The following GABRG3 variants were observed in gnomAD, a reference collection of about 807,000 sequenced individuals.
GABRG3 encodes gamma-aminobutyric acid receptor subunit gamma-3.
Under a neutral mutation model 48.8 loss-of-function variants are expected in GABRG3, and 25 were observed. The ratio of observed to expected loss-of-function variants is 0.51; its 90% CI spans 0.37 to 0.72. The LOEUF is 0.72. GABRG3 is among the 30% of genes least tolerant of loss of function. GABRG3 has a pLI of 0.00. For missense variants in GABRG3, 394 were observed against 577.9 expected (o/e 0.68, Z 3.26); for synonymous variants, 227 against 217.6 (o/e 1.04, Z -0.38).
intron 2 of GABRG3, among the ~76,000 whole-genome samples, chr15:26,985,696 G>A (rs540812735): frequency 2.8e-4 from 43 of 152,112 alleles, no homozygotes; most frequent in African/African-American, 9.9e-4. Flanking sequence ...GAATAACCTC[G>A]CCATGCCCCG....
intron 5 of GABRG3, among the ~76,000 whole-genome samples, chr15:27,350,895 GTGTT>G (rs1456054772): frequency 4.6e-5 from 7 of 151,416 alleles, no homozygotes; most frequent in African/African-American, 1.7e-4. Context: ...TGTGTCGTGT[GTGTT>G]TGTGTGTGTG....
At chr15:27,408,095 C>T (rs111281547) in intron 5 of GABRG3, among the ~76,000 whole-genome samples, 82 of 152,016 alleles carry the variant, frequency 5.4e-4, no homozygotes, top group South Asian at 1.0e-3. Context: ...TACTGTGACC[C>T]GAAAACTGCT....
chr15:26,981,273 AAAAG>A (rs1895048231), intron 2 of GABRG3, among the ~76,000 whole-genome samples: 1 of 152,260 alleles, frequency 6.6e-6, no homozygotes, highest in Non-Finnish European at 1.5e-5. Context: ...TCTGTACAAA[AAAAG>A]AGAGTGTGCT....
At chr15:27,039,281 A>G (rs1321606119) in intron 3 of GABRG3, among the ~76,000 whole-genome samples, 3 of 152,188 alleles carry the variant, frequency 2.0e-5, no homozygotes, top group Non-Finnish European at 4.4e-5. Context: ...GGGCCTGACT[A>G]AAGACTGGCC....
At chr15:27,092,353 A>G (rs1219428244) in intron 3 of GABRG3, among the ~76,000 whole-genome samples, 1 of 152,206 alleles carries the variant, frequency 6.6e-6, no homozygotes, top group East Asian at 1.9e-4. Context: ...CAAATGAGGC[A>G]GGGCGTGTCT....
intron 3 of GABRG3, among the ~76,000 whole-genome samples, chr15:27,124,080 CA>C (rs1224301235): frequency 6.6e-6 from 1 of 152,142 alleles, no homozygotes; most frequent in Non-Finnish European, 1.5e-5. Flanking sequence ...GTGAGGAGGT[CA>C]ACCCTCAGCA....
At chr15:27,283,874 T>G (rs1373417078) in intron 3 of GABRG3, among the ~76,000 whole-genome samples, 1 of 152,198 alleles carries the variant, frequency 6.6e-6, no homozygotes, top group African/African-American at 2.4e-5. Context: ...TATCCAGAGT[T>G]TTAGCTATAC....
chr15:27,265,116 C>T (rs1890878251), intron 3 of GABRG3, among the ~76,000 whole-genome samples: 1 of 152,084 alleles, frequency 6.6e-6, no homozygotes, highest in African/African-American at 2.4e-5. Flanking sequence ...AGTTAAACCT[C>T]TACAAAAAAG....
intron 3 of GABRG3, among the ~76,000 whole-genome samples, chr15:27,065,608 G>C (rs1305866587): frequency 6.6e-6 from 1 of 152,152 alleles, no homozygotes; most frequent in Admixed American, 6.5e-5. Context: ...TAATCTCTGT[G>C]TGCTTTGTGT....
chr15:27,293,859 T>C (rs370818951), intron 3 of GABRG3, among the ~76,000 whole-genome samples: 2 of 152,200 alleles, frequency 1.3e-5, no homozygotes, highest in South Asian at 4.1e-4. Context: ...ATCAGTGATC[T>C]AAACAGACAG....
Position 27,256,643 on chromosome 15 carries a change from C to T in GABRG3, c.271-70166C>T, listed in dbSNP as rs114278849. 5.6e-3 allele frequency among the ~76,000 whole-genome samples: 859 copies of T among 152,140 alleles called. 6 individuals are homozygous for T. The highest frequency in any genetic ancestry group is 0.02 in the African/African-American group (815 of 41,498). On this transcript the variant is annotated intron_variant, in intron 3 of 9. Coordinates refer to ENST00000615808, the MANE Select transcript of GABRG3 (RefSeq NM_033223.5). ...TTGCTTCTATAAATCATTAACAAAACGTGGTCAGTTGTTTACATACGTCTT... is the reference window on the plus strand; with the variant it reads ...TTGCTTCTATAAATCATTAACAAAATGTGGTCAGTTGTTTACATACGTCTT...
intron 5 of GABRG3, chr15:27,363,010 G>T (rs1373395389): frequency 6.6e-6 from 1 of 152,152 alleles, no homozygotes; most frequent in South Asian, 2.1e-4. Context: ...AGAAATGTTT[G>T]CAATAACTTC....
chr15:27,487,600 AT>A (rs1232504225), intron 6 of GABRG3, among the ~76,000 whole-genome samples: 11 of 152,280 alleles, frequency 7.2e-5, no homozygotes, highest in African/African-American at 2.4e-4. Flanking sequence ...TTTCCAGAAC[AT>A]TTTATTTATC....
At position 27,307,383 on chromosome 15, in the gene GABRG3, A is replaced by T. The variant is rs1385949739; in HGVS notation, c.271-19426A>T. Among the ~76,000 whole-genome samples, 604 of 92,244 alleles carry T rather than the reference A, an allele frequency of 6.5e-3. 94 individuals are homozygous for T. Among genetic ancestry groups the T allele is most frequent in the Non-Finnish European group, 7.9e-3 (344 of 43,660 alleles). 60.5% of individuals were successfully genotyped at this position (92,244 alleles called of 152,430 possible). On this transcript the variant is annotated intron_variant, in intron 3 of 9. Coordinates refer to ENST00000615808, the MANE Select transcript of GABRG3 (RefSeq NM_033223.5). The stretch of plus-strand genomic sequence containing the variant: ...TATAACCATATAGGTTTATATATTT[A>T]TATATAACCATATAGGTTTATATAT...
chr15:27,389,210 A>T (rs936568798), intron 5 of GABRG3, among the ~76,000 whole-genome samples: 1 of 152,236 alleles, frequency 6.6e-6, no homozygotes, highest in Non-Finnish European at 1.5e-5. Flanking sequence ...AATAGAAAAT[A>T]CGAATGAAAG....
At chr15:27,416,098 A>G (rs751838308) in intron 5 of GABRG3, among the ~76,000 whole-genome samples, 2 of 152,202 alleles carry the variant, frequency 1.3e-5, no homozygotes, top group Non-Finnish European at 2.9e-5. Context: ...AAACTCCTAC[A>G]TTGGTTGAGA....
chr15:27,070,117 TC>T (rs1027639944), intron 3 of GABRG3, among the ~76,000 whole-genome samples: 9 of 152,336 alleles, frequency 5.9e-5, no homozygotes, highest in African/African-American at 2.2e-4. Flanking sequence ...AGGGGAGTCC[TC>T]CCCCACGTGA....
At chr15:27,515,903 A>G (rs1891006691) in intron 6 of GABRG3, among the ~76,000 whole-genome samples, 1 of 152,216 alleles carries the variant, frequency 6.6e-6, no homozygotes, top group Admixed American at 6.5e-5. Context: ...CATTAGAAAT[A>G]CATTCTGTGA....
At chr15:27,321,893 G>A (rs1407196161) in intron 3 of GABRG3, among the ~76,000 whole-genome samples, 2 of 152,368 alleles carry the variant, frequency 1.3e-5, no homozygotes, top group Non-Finnish European at 2.9e-5. Flanking sequence ...TGATCCGCGT[G>A]TCGCGGTAAT....
Sources: allele counts gnomAD v4.1 joint callset (sites outside exome capture counted in the v4.1 genomes callset), GRCh38; gene constraint gnomAD v4.1.1; transcripts MANE v1.5; gene names NCBI Gene and HGNC (gene_info 2026-07-23, HGNC 2026-07-21).